Variants in FAM135B observed in about 807,000 individuals in gnomAD.
FAM135B encodes protein FAM135B.
A neutral mutation model predicts 127.7 loss-of-function variants in FAM135B; 43 were observed. The ratio of observed to expected loss-of-function variants is 0.34; its 90% CI spans 0.26 to 0.43. The LOEUF (loss-of-function observed/expected upper bound fraction) is 0.43. Ranked by LOEUF, FAM135B falls within the 20% of genes least tolerant of loss-of-function variation. The probability of loss-of-function intolerance (pLI) is 1.00; values close to 1 mark genes in which losing one functional copy is unlikely to be tolerated. For missense variants in FAM135B, 1,558 were observed against 1,725.6 expected, an observed-to-expected ratio of 0.90 and a Z score of 1.72; for synonymous variants, 670 against 665.1, an observed-to-expected ratio of 1.01 and a Z score of -0.11.
chr8:138,302,095 T>G (rs1445186810), intron 3 of FAM135B, among the ~76,000 whole-genome samples: 1 of 151,972 alleles, frequency 6.6e-6, no homozygotes, highest in Non-Finnish European at 1.5e-5. Context: ...CTTTTCAGTG[T>G]GACATTTTTA....
intron 18 of FAM135B, among the ~76,000 whole-genome samples, chr8:138,137,511 G>C (rs1165517847): frequency 1.3e-5 from 2 of 152,136 alleles, no homozygotes; most frequent in Non-Finnish European, 2.9e-5. Flanking sequence ...GCGTTTGTGA[G>C]GGGAGATGAA....
At chr8:138,461,501 T>G (rs573960757) in intron 1 of FAM135B, among the ~76,000 whole-genome samples, 3 of 152,216 alleles carry the variant, frequency 2.0e-5, no homozygotes, top group Non-Finnish European at 4.4e-5. Flanking sequence ...AAACATGACC[T>G]CAGGATTGAC....
intron 1 of FAM135B, among the ~76,000 whole-genome samples, chr8:138,385,865 G>A (rs997714496): frequency 2.6e-5 from 4 of 151,740 alleles, no homozygotes; most frequent in Non-Finnish European, 4.4e-5. Context: ...AGAAGGAAAC[G>A]GGCCAGACTT....
At chr8:138,317,542 T>C (rs750459287) in intron 2 of FAM135B, among the ~76,000 whole-genome samples, 7 of 152,232 alleles carry the variant, frequency 4.6e-5, no homozygotes, top group African/African-American at 7.2e-5. Context: ...GTCTCTGTAC[T>C]ACTTCTTAAA....
chr8:138,184,718 G>C (rs1382583574), intron 9 of FAM135B, among the ~76,000 whole-genome samples: 1 of 152,148 alleles, frequency 6.6e-6, no homozygotes, highest in Non-Finnish European at 1.5e-5. Context: ...CCAGGAGACA[G>C]CTATGTGCCT....
chr8:138,446,204 A>T (rs1396887833), intron 1 of FAM135B, among the ~76,000 whole-genome samples: 1 of 152,190 alleles, frequency 6.6e-6, no homozygotes, highest in East Asian at 1.9e-4. Flanking sequence ...AGGAAGAATC[A>T]ATATCGTGAA....
chr8:138,136,351 T>C (rs1395932984), intron 19 of FAM135B, among the ~76,000 whole-genome samples: 1 of 152,052 alleles, frequency 6.6e-6, no homozygotes, highest in African/African-American at 2.4e-5. Flanking sequence ...ACAAATTAGA[T>C]TGGATTCTGG....
At chr8:138,207,502 G>A (rs748639751) in intron 7 of FAM135B, among the ~76,000 whole-genome samples, 8 of 151,976 alleles carry the variant, frequency 5.3e-5, no homozygotes, top group South Asian at 2.1e-4. Context: ...GAGTCACCGC[G>A]CCCCACCTGA....
rs1305593293 is a variant in FAM135B, at chr8:138,152,415, C to T, written c.2060G>A (p.Gly687Asp). The T allele has an allele frequency of 6.2e-7, 1 of 1,614,182 alleles. No homozygotes were observed. Among genetic ancestry groups the T allele is most frequent in the Non-Finnish European group, 8.5e-7 (1 of 1,180,046 alleles). The change falls in exon 13 of 20, where the codon GGC becomes GAC. Residue 687 changes from glycine to aspartate, a missense_variant. Physicochemically the swap from Gly to Asp is moderately conservative, Grantham distance 94. Around this residue, in one of 5 missense-constraint regions of FAM135B, gnomAD observed 923 missense variants for 865.3 expected, o/e 1.07. Transcript: ENST00000395297. ...GACGGAGCTTGGCTCACTCTCAATG[C>T]CTGAATCAGATATGATGGATGAAGA... ...KRSSSIISDS[G>D]IESEPSSVAW...
intron 2 of FAM135B, among the ~76,000 whole-genome samples, chr8:138,346,525 G>A (rs1274558728): frequency 6.6e-6 from 1 of 152,208 alleles, no homozygotes; most frequent in African/African-American, 2.4e-5. Flanking sequence ...CAGGGACGTG[G>A]ATGGAGCTGG....
chr8:138,318,714 G>A (rs1489173017), intron 2 of FAM135B, among the ~76,000 whole-genome samples: 1 of 152,112 alleles, frequency 6.6e-6, no homozygotes, highest in Non-Finnish European at 1.5e-5. Flanking sequence ...ATTCCAAAGT[G>A]CTTTTGAATT....
chr8:138,442,314 C>A (rs564350882), intron 1 of FAM135B, among the ~76,000 whole-genome samples: 2 of 122,612 alleles, frequency 1.6e-5, no homozygotes, highest in African/African-American at 6.2e-5. Context: ...TTTATAGGCA[C>A]AATGTATATG....
chr8:138,242,461 C>T lies in FAM135B; in HGVS notation c.669+481G>A, dbSNP rs1035475448. On this transcript the variant is annotated intron_variant, in intron 7 of 19. Coordinates refer to ENST00000395297, the MANE Select transcript of FAM135B (RefSeq NM_015912.4). This position sits in a 1 kb window ranked among gnomAD's most constrained non-coding sequence, Gnocchi z 9.6. ...GTTAGCAGCTAGTGAGTATTGGATA[C>T]CGGGCTAGGAACTTTACATTTATTA... is the stretch of plus-strand genomic sequence containing the variant. Among the ~76,000 whole-genome samples the T allele has an allele frequency of 6.6e-6, 1 of 151,940 alleles. No homozygotes were observed. The highest frequency in any genetic ancestry group is 1.5e-5 in the Non-Finnish European group (1 of 67,996).
chr8:138,146,151 C>T (rs557366975), intron 14 of FAM135B, 101 bp from the exon 15 acceptor site: 3 of 661,580 alleles, frequency 4.5e-6, no homozygotes, highest in African/African-American at 3.6e-5. Context: ...CCCATTTCTA[C>T]TGGGTTTTGT....
chr8:138,263,379 G>T (rs1822686333), intron 4 of FAM135B, among the ~76,000 whole-genome samples: 1 of 152,086 alleles, frequency 6.6e-6, no homozygotes, highest in Non-Finnish European at 1.5e-5. Flanking sequence ...GTAGTCACTT[G>T]CAGAAGCTCT....
At chr8:138,155,673 C>A (rs981051469) in intron 12 of FAM135B, among the ~76,000 whole-genome samples, 1 of 151,972 alleles carries the variant, frequency 6.6e-6, no homozygotes, top group Non-Finnish European at 1.5e-5. Context: ...AGGCTTTAAA[C>A]CAACAAAGAC....
In FAM135B at chr8:138,392,012, G is replaced by A. The variant is rs937040320; in HGVS notation, c.-19-24010C>T. On this transcript the variant is annotated intron_variant, in intron 1 of 19. Coordinates refer to ENST00000395297, the MANE Select transcript of FAM135B (RefSeq NM_015912.4). ...TGACCACAGGTCAGATGAGCACCTAGCTCATGAGGTAGGGCAGGGTAAGGC... is the reference window on the plus strand; with the variant it reads ...TGACCACAGGTCAGATGAGCACCTAACTCATGAGGTAGGGCAGGGTAAGGC... Among the ~76,000 whole-genome samples the A allele has an allele frequency of 4.6e-5, 7 of 152,154 alleles. No individual in the cohort carries two copies. The South Asian group carries it at 1.5e-3, about 32-fold the overall frequency.
At chr8:138,372,827 C>A (rs537194592) in intron 1 of FAM135B, among the ~76,000 whole-genome samples, 2 of 152,132 alleles carry the variant, frequency 1.3e-5, no homozygotes, top group African/African-American at 4.8e-5. Context: ...CCCTTACTGA[C>A]CTGCCCTGTG....
At chr8:138,461,749 T>C (rs1837132958) in intron 1 of FAM135B, among the ~76,000 whole-genome samples, 1 of 152,172 alleles carries the variant, frequency 6.6e-6, no homozygotes, top group East Asian at 1.9e-4. Context: ...ACCATGACTA[T>C]TGGGATTTAA....
Sources: allele counts gnomAD v4.1 joint callset (sites outside exome capture counted in the v4.1 genomes callset), GRCh38; gene constraint gnomAD v4.1.1; regional missense constraint gnomAD v4.1.1; non-coding constraint Gnocchi (gnomAD v3.1); transcripts MANE v1.5; gene names NCBI Gene and HGNC (gene_info 2026-07-23, HGNC 2026-07-21).